Variants in KREMEN1 observed in about 807,000 individuals in gnomAD.
KREMEN1 encodes kremen protein 1.
In KREMEN1, 30 loss-of-function variants were observed where a neutral mutation model predicts 46.5. The ratio of observed to expected loss-of-function variants is 0.65; its 90% CI spans 0.48 to 0.88. KREMEN1 has a LOEUF of 0.88. KREMEN1 is among the 40% of genes least tolerant of loss of function. KREMEN1 has a pLI of 0.00. For missense variants in KREMEN1, 533 were observed against 596.9 expected (o/e 0.89, Z 1.11); for synonymous variants, 214 against 230.6 (o/e 0.93, Z 0.65).
In KREMEN1 at chr22:29,131,677, TGCATATATAC is replaced by T. The variant is rs1424145802; in HGVS notation, c.632-5664_632-5655del. On this transcript the variant is annotated intron_variant, in intron 5 of 8. Transcript: ENST00000400335. ...ATGTATATATATACATGTATATATA[TGCATATATAC>T]ATGTATATATGTGTATATATATGTA... 3.8e-4 allele frequency among the ~76,000 whole-genome samples: 47 copies of T among 125,252 alleles called. 1 individual carries two copies. Among genetic ancestry groups the T allele is most frequent in the African/African-American group, 1.5e-3 (44 of 29,158 alleles). 82.2% of individuals were successfully genotyped at this position (125,252 alleles called of 152,430 possible).
chr22:29,159,643 T>A (rs5763007), intron 9 of KREMEN1, among the ~76,000 whole-genome samples: 1 of 26,054 alleles, frequency 3.8e-5, no homozygotes, highest in African/African-American at 9.7e-5. Flanking sequence ...AAAACAAAAA[T>A]AAATAAATAA....
intron 2 of KREMEN1, among the ~76,000 whole-genome samples, chr22:29,095,070 A>G (rs2037864585): frequency 6.6e-6 from 1 of 152,122 alleles, no homozygotes; most frequent in African/African-American, 2.4e-5. Flanking sequence ...AGAGCAGCCT[A>G]CACTACCGAG....
chr22:29,081,159 A>G (rs1420469425), intron 1 of KREMEN1, among the ~76,000 whole-genome samples: 1 of 151,760 alleles, frequency 6.6e-6, no homozygotes, highest in Non-Finnish European at 1.5e-5. Context: ...CCTTCTTTTT[A>G]CTGTTAGTTG....
intron 1 of KREMEN1, among the ~76,000 whole-genome samples, chr22:29,086,797 C>T (rs1267267804): frequency 2.6e-5 from 4 of 152,164 alleles, no homozygotes; most frequent in African/African-American, 9.7e-5. Context: ...CTCACTCCAT[C>T]GCCCAGGCTG....
At chr22:29,094,695 C>T (rs945107611) in intron 2 of KREMEN1, among the ~76,000 whole-genome samples, 3 of 150,278 alleles carry the variant, frequency 2.0e-5, no homozygotes, top group Non-Finnish European at 4.4e-5. Flanking sequence ...GCGATCTCGG[C>T]TCACTGCAAG....
At chr22:29,113,979 C>G (rs559837129) in intron 3 of KREMEN1, among the ~76,000 whole-genome samples, 3 of 152,272 alleles carry the variant, frequency 2.0e-5, no homozygotes, top group African/African-American at 7.2e-5. Context: ...CACAAAGACC[C>G]CTTTCAGTTC....
At chr22:29,086,879 T>A (rs2037737304) in intron 1 of KREMEN1, among the ~76,000 whole-genome samples, 1 of 152,010 alleles carries the variant, frequency 6.6e-6, no homozygotes, top group African/African-American at 2.4e-5. Context: ...CCCAAATAAC[T>A]AGGATTACAA....
At chr22:29,126,831 G>T (rs2038452282) in intron 5 of KREMEN1, among the ~76,000 whole-genome samples, 4 of 152,174 alleles carry the variant, frequency 2.6e-5, no homozygotes, top group African/African-American at 9.7e-5. Flanking sequence ...GTGCCCATTG[G>T]AGACTGCCAG....
chr22:29,111,607 C>T (rs2145793735), intron 3 of KREMEN1: 1 of 98,660 alleles, frequency 1.0e-5, no homozygotes, highest in East Asian at 2.6e-4. Flanking sequence ...GAGCGAGACT[C>T]CGTCTCAAAA....
chr22:29,160,696 C>T (rs905181988), intron 9 of KREMEN1, among the ~76,000 whole-genome samples: 3 of 151,904 alleles, frequency 2.0e-5, no homozygotes, highest in Non-Finnish European at 4.4e-5. Flanking sequence ...AACAGAGATA[C>T]AAAATACCAA....
chr22:29,091,567 G>C (rs1008162271), intron 1 of KREMEN1, among the ~76,000 whole-genome samples: 1 of 152,156 alleles, frequency 6.6e-6, no homozygotes. Context: ...AATTGGCAAG[G>C]GTTGGCTGAT....
At chr22:29,087,489 C>T (rs1226374522) in intron 1 of KREMEN1, among the ~76,000 whole-genome samples, 1 of 152,126 alleles carries the variant, frequency 6.6e-6, no homozygotes, top group Non-Finnish European at 1.5e-5. Context: ...GCATATTCTT[C>T]AGCTTTATTA....
intron 1 of KREMEN1, among the ~76,000 whole-genome samples, chr22:29,080,522 C>T (rs373964124): frequency 5.9e-5 from 9 of 152,180 alleles, no homozygotes; most frequent in Non-Finnish European, 1.0e-4. Flanking sequence ...TCTTCCCTAG[C>T]GCTTCTGGCA....
chr22:29,154,102 A>G (rs999294137), intron 9 of KREMEN1, among the ~76,000 whole-genome samples: 1 of 152,198 alleles, frequency 6.6e-6, no homozygotes, highest in African/African-American at 2.4e-5. Flanking sequence ...CATTTTAACA[A>G]TTTTTATCAG....
intron 4 of KREMEN1, among the ~76,000 whole-genome samples, chr22:29,124,315 A>G (rs1052663608): frequency 6.6e-5 from 10 of 152,166 alleles, no homozygotes; most frequent in African/African-American, 2.2e-4. Flanking sequence ...AAAAGATTAC[A>G]TACTATATGA....
At position 29,144,437 on chromosome 22, in the gene KREMEN1, C is replaced by G; in HGVS notation, c.*2325C>G. The G allele has an allele frequency of 1.0e-6, 1 of 985,614 alleles. No individual in the cohort carries two copies. The highest frequency in any genetic ancestry group is 1.2e-6 in the Non-Finnish European group (1 of 830,052). The allele number at this position is 985,614 out of a possible 1,614,324, so 61.1% of individuals were successfully genotyped here. ...CTGCCACCCCAGGCCCCGTGGGAGG[C>G]CTGCTGAGGGCACAGAGCTGCTCGG... On this transcript the variant is annotated 3_prime_UTR_variant, in exon 9 of 9. Coordinates refer to ENST00000400335, the MANE Select transcript of KREMEN1 (RefSeq NM_001039570.3).
chr22:29,090,566 G>A (rs953993564), intron 1 of KREMEN1, among the ~76,000 whole-genome samples: 1 of 152,088 alleles, frequency 6.6e-6, no homozygotes, highest in Non-Finnish European at 1.5e-5. Flanking sequence ...ACAGTGTGGA[G>A]GTTCCTCAAA....
At chr22:29,076,925 A>G (rs2037581631) in intron 1 of KREMEN1, among the ~76,000 whole-genome samples, 2 of 152,226 alleles carry the variant, frequency 1.3e-5, no homozygotes, top group African/African-American at 4.8e-5. Flanking sequence ...GCAAGAAAGC[A>G]TTCCTTTTAG....
intron 5 of KREMEN1, among the ~76,000 whole-genome samples, chr22:29,133,437 AT>A (rs2038600128): frequency 6.6e-6 from 1 of 151,786 alleles, no homozygotes; most frequent in Admixed American, 6.6e-5. Context: ...AGTAGCTGGG[AT>A]TATGGGCATG....
Sources: allele counts gnomAD v4.1 joint callset (sites outside exome capture counted in the v4.1 genomes callset), GRCh38; gene constraint gnomAD v4.1.1; transcripts MANE v1.5; gene names NCBI Gene and HGNC (gene_info 2026-07-23, HGNC 2026-07-21).